The following CD9 variants were observed in gnomAD, a reference collection of about 807,000 sequenced individuals.
CD9 encodes the protein CD9 molecule.
In CD9, 10 loss-of-function variants were observed where a neutral mutation model predicts 31.4. The observed-to-expected ratio is 0.32, with a 90% confidence interval of 0.20 to 0.54. The LOEUF (loss-of-function observed/expected upper bound fraction) is 0.54. Among genes scored for constraint, CD9 ranks in the 20% least tolerant of loss-of-function variants. The probability of loss-of-function intolerance (pLI) is 0.94; values close to 1 mark genes in which losing one functional copy is unlikely to be tolerated. For missense variants in CD9, 259 were observed against 300.1 expected (o/e 0.86, Z 1.01); for synonymous variants, 113 against 114.1 (o/e 0.99, Z 0.06).
In CD9 at chr12:6,200,534, A is replaced by T; in HGVS notation, c.35A>T (p.Tyr12Phe). 6.2e-7 allele frequency: 1 copy of T among 1,611,182 alleles called. No individual in the cohort carries two copies. Among genetic ancestry groups the T allele is most frequent in the East Asian group, 2.2e-5 (1 of 44,782 alleles). ...PVKGGTKCIKYLLFGFNFIFW... is the reference protein window; with the variant it reads ...PVKGGTKCIKFLLFGFNFIFW... ...AAAGGAGGCACCAAGTGCATCAAATACCTGCTGTTCGGATTTAACTTCATC... is the reference window on the plus strand; with the variant it reads ...AAAGGAGGCACCAAGTGCATCAAATTCCTGCTGTTCGGATTTAACTTCATC... Residue 12 changes from tyrosine (Y) to phenylalanine (F), a missense_variant, in exon 1 of 8, where the codon TAC (tyrosine) becomes TTC (phenylalanine). Physicochemically the swap from Tyr to Phe is conservative, Grantham distance 22. Coordinates refer to ENST00000009180, the MANE Select transcript of CD9 (RefSeq NM_001769.4).
Position 6,236,289 on chromosome 12 carries a change from CG to C in CD9, c.621+15del. 1 of 1,612,486 alleles carries C rather than the reference CG, an allele frequency of 6.2e-7. No homozygotes were observed. Among genetic ancestry groups the C allele is most frequent in the Non-Finnish European group, 8.5e-7 (1 of 1,178,552 alleles). Reference sequence around the variant, plus strand: ...GCCGTGGTCATGGTGAGTGGCAGGACGTCGTCCCAGGAGGGGGACTGAGGAG... The same window carrying C: ...GCCGTGGTCATGGTGAGTGGCAGGACTCGTCCCAGGAGGGGGACTGAGGAG... On this transcript the variant is annotated intron_variant, in intron 7 of 7. Transcript: ENST00000009180.
chr12:6,203,927 C>T (rs1946101610), intron 1 of CD9, among the ~76,000 whole-genome samples: 1 of 152,138 alleles, frequency 6.6e-6, no homozygotes, highest in Non-Finnish European at 1.5e-5. Context: ...CTCCCTCAGC[C>T]CCTTTGCTTA....
At chr12:6,200,790 A>G in intron 1 of CD9, 2 of 442,134 alleles carry the variant, frequency 4.5e-6, no homozygotes, top group South Asian at 4.3e-5. Context: ...ATCACCGCCC[A>G]GCCGGCGTGG....
chr12:6,214,447 A>G (rs1301343846), intron 1 of CD9, among the ~76,000 whole-genome samples: 1 of 142,462 alleles, frequency 7.0e-6, no homozygotes, highest in Non-Finnish European at 1.5e-5. Flanking sequence ...CCTGGATTTA[A>G]GCCATCCTCC....
intron 1 of CD9, among the ~76,000 whole-genome samples, chr12:6,214,520 G>C (rs576541818): frequency 7.5e-4 from 113 of 151,560 alleles, no homozygotes; most frequent in African/African-American, 2.6e-3. Flanking sequence ...CTAAGTTTTT[G>C]TATTTTTTAG....
In CD9 at chr12:6,209,738, G is replaced by A. The variant is rs528056473; in HGVS notation, c.66+9173G>A. On this transcript the variant is annotated intron_variant, in intron 1 of 7. Transcript: ENST00000009180. ...CTCATTCTGTTGCCCAGGCTGGAGT[G>A]TAGTGGCACAATCTCGGCTCACTGC... Among the ~76,000 whole-genome samples the A allele has an allele frequency of 1.7e-4, 25 of 147,028 alleles. 1 individual carries two copies. Among genetic ancestry groups the A allele is most frequent in the Admixed American group, 1.6e-3 (24 of 14,654 alleles).
rs1400610258 is a variant in CD9 at position 6,232,768 on chromosome 12, C to T, written c.273+39C>T. ...CGGCATCCCCACAGCCACCCTGACT[C>T]CCACCAACAAAAACCTCAGCAGGCC... is the stretch of plus-strand genomic sequence containing the variant. On this transcript the variant is annotated intron_variant, in intron 3 of 7. Transcript: ENST00000009180. This position sits in a 1 kb window ranked among gnomAD's most constrained non-coding sequence, Gnocchi z 4.8. 1 of 1,369,188 alleles carries T rather than the reference C, an allele frequency of 7.3e-7. No homozygotes were observed. Among genetic ancestry groups the T allele is most frequent in the East Asian group, 2.5e-5 (1 of 40,174 alleles). 84.8% of individuals were successfully genotyped at this position (1,369,188 alleles called of 1,614,324 possible).
At chr12:6,235,148 C>T (rs901681218) in intron 4 of CD9, 81 bp from the exon 5 acceptor site, 1 of 1,037,426 alleles carries the variant, frequency 9.6e-7, no homozygotes. Flanking sequence ...TTAGAGAGAA[C>T]AAGATGGAAC....
chr12:6,221,941 G>C (rs1946297153), intron 1 of CD9, among the ~76,000 whole-genome samples: 1 of 152,118 alleles, frequency 6.6e-6, no homozygotes, highest in African/African-American at 2.4e-5. Flanking sequence ...GCTACAGTGA[G>C]CTATGATTGC....
intron 1 of CD9, among the ~76,000 whole-genome samples, chr12:6,220,368 A>G (rs953800993): frequency 2.0e-5 from 3 of 152,284 alleles, no homozygotes. Flanking sequence ...TGGGATCCCA[A>G]GACATAAGGA....
At chr12:6,208,060 A>T (rs1946151682) in intron 1 of CD9, among the ~76,000 whole-genome samples, 1 of 152,036 alleles carries the variant, frequency 6.6e-6, no homozygotes, top group Admixed American at 6.6e-5. Context: ...CCCCCTCTCT[A>T]CTAAAAATGC....
intron 1 of CD9, among the ~76,000 whole-genome samples, chr12:6,206,771 G>A (rs560828591): frequency 8.5e-5 from 13 of 152,248 alleles, no homozygotes; most frequent in African/African-American, 3.1e-4. Context: ...AGTTTTAAGT[G>A]CTATATCCTG....
Position 6,215,740 on chromosome 12 carries a change from G to A in CD9, c.67-9686G>A, listed in dbSNP as rs199790610. On this transcript the variant is annotated intron_variant, in intron 1 of 7. Coordinates refer to ENST00000009180, the MANE Select transcript of CD9 (RefSeq NM_001769.4). ...GGTTCTCTAGGGCTGTGATCTCTGG[G>A]GCTTTTCAACTTGGCTGTAGTAAAA... is the stretch of plus-strand genomic sequence containing the variant. Among the ~76,000 whole-genome samples, 6 of 152,286 alleles carry A rather than the reference G, an allele frequency of 3.9e-5. No individual in the cohort carries two copies. In the East Asian group the frequency reaches 1.2e-3, roughly 29 times the overall value.
At chr12:6,221,655 C>G (rs1326296303) in intron 1 of CD9, among the ~76,000 whole-genome samples, 1 of 151,886 alleles carries the variant, frequency 6.6e-6, no homozygotes, top group Non-Finnish European at 1.5e-5. Context: ...TTGCTCCTGG[C>G]CCCTCCCATT....
chr12:6,200,582 G>A lies in CD9; in HGVS notation c.66+17G>A, dbSNP rs376732816. Reference sequence around the variant, plus strand: ...ATCTTCTGGGTGAGTGAGCGCGACTGCCGCGCGCTCCTCTCAGGGCCCACC... The same window carrying A: ...ATCTTCTGGGTGAGTGAGCGCGACTACCGCGCGCTCCTCTCAGGGCCCACC... On this transcript the variant is annotated intron_variant, in intron 1 of 7. Transcript: ENST00000009180. 1 of 1,579,542 alleles carries A rather than the reference G, an allele frequency of 6.3e-7. No individual in the cohort carries two copies. Among genetic ancestry groups the A allele is most frequent in the Non-Finnish European group, 8.7e-7 (1 of 1,150,028 alleles).
Position 6,227,612 on chromosome 12 carries a change from C to T in CD9, c.175+2078C>T, listed in dbSNP as rs566035030. Among the ~76,000 whole-genome samples, 3 of 152,280 alleles carry T rather than the reference C, an allele frequency of 2.0e-5. No homozygotes were observed. The South Asian group carries it at 6.2e-4, about 32-fold the overall frequency. ...GGAGTGTGGAGTGATTCTCATCTCA[C>T]AAGTGCAGAAACCGAGGCCTAGAGA... On this transcript the variant is annotated intron_variant, in intron 2 of 7. Transcript: ENST00000009180.
intron 4 of CD9, 98 bp downstream of exon 4, chr12:6,233,584 C>G: frequency 1.1e-6 from 1 of 927,340 alleles, no homozygotes. Context: ...GTTCAGCTTT[C>G]AGCTGTTGAC....
In CD9 at chr12:6,232,663, C is replaced by T; in HGVS notation, c.207C>T (p.Leu69=). The stretch of plus-strand genomic sequence containing the variant: ...ATATTCTGATCGGAGCCGGCGCCCT[C>T]ATGATGCTGGTGGGCTTCCTGGGCT... The part of the protein sequence containing the change: ...GVYILIGAGA[L]MMLVGFLGCC... The change falls in exon 3 of 8, where the codon CTC becomes CTT. Residue 69 remains leucine (L), a synonymous_variant. Coordinates refer to ENST00000009180, the MANE Select transcript of CD9 (RefSeq NM_001769.4). This position sits in a 1 kb window ranked among gnomAD's most constrained non-coding sequence, Gnocchi z 4.8. 6.3e-7 allele frequency: 1 copy of T among 1,581,402 alleles called. No homozygotes were observed. The highest frequency in any genetic ancestry group is 8.6e-7 in the Non-Finnish European group (1 of 1,166,320).
Position 6,220,821 on chromosome 12 carries a change from C to T in CD9, c.67-4605C>T, listed in dbSNP as rs1946285387. Among the ~76,000 whole-genome samples, 5 of 152,246 alleles carry T rather than the reference C, an allele frequency of 3.3e-5. No individual in the cohort carries two copies. In the South Asian group the frequency reaches 1.0e-3, roughly 31 times the overall value. ...TCCCCAGTTTCCCCTATTGTACCAT[C>T]TCATATTACTGTGTTTCATTTGTCA... is the stretch of plus-strand genomic sequence containing the variant. On this transcript the variant is annotated intron_variant, in intron 1 of 7. Coordinates refer to ENST00000009180, the MANE Select transcript of CD9 (RefSeq NM_001769.4).
Sources: gnomAD v4.1 joint callset for allele counts (sites outside exome capture counted in the v4.1 genomes callset) on GRCh38, gnomAD v4.1.1 for gene constraint, Gnocchi (gnomAD v3.1) non-coding constraint, MANE v1.5 for transcripts, NCBI Gene and HGNC (gene_info 2026-07-23, HGNC 2026-07-21) for gene names.